The following DHX36 variants were observed in gnomAD, a reference collection of about 807,000 sequenced individuals.
The protein encoded by DHX36 is DEAH-box helicase 36, also known as ATP-dependent DNA/RNA helicase DHX36.
DHX36 carries 50 observed loss-of-function variants against 139.0 expected under a neutral mutation model. The ratio of observed to expected loss-of-function variants is 0.36; its 90% CI spans 0.29 to 0.46. DHX36 has a LOEUF of 0.46. Among genes scored for constraint, DHX36 ranks in the 20% least tolerant of loss-of-function variants. The pLI is 1.00. For synonymous variants in DHX36, 425 were observed against 401.9 expected (o/e 1.06, Z -0.69); for missense variants, 1,024 against 1,211.3 (o/e 0.85, Z 2.29).
intron 1 of DHX36, 22 bp from the exon 2 acceptor site, chr3:154,316,185 G>T: frequency 6.2e-7 from 1 of 1,610,468 alleles, no homozygotes; most frequent in Non-Finnish European, 8.5e-7. Context: ...AAAGAAAAAA[G>T]CATCCTTGTC....
chr3:154,301,277 T>C (rs1367308978), intron 9 of DHX36, 150 bp from the exon 10 acceptor site: 6 of 765,294 alleles, frequency 7.8e-6, no homozygotes, highest in Non-Finnish European at 1.2e-5. Context: ...AAATATCAGT[T>C]TGTGTTCATT....
intron 3 of DHX36, 100 bp downstream of exon 3, chr3:154,314,946 T>C (rs1336834611): frequency 2.6e-6 from 2 of 765,410 alleles, no homozygotes; most frequent in Non-Finnish European, 4.2e-6. Flanking sequence ...TTGTTGAGGA[T>C]CTCACTGATC....
rs371491624 is a variant in DHX36 at position 154,304,950 on chromosome 3, T to C, written c.991A>G (p.Ile331Val). 19 of 1,609,566 alleles carry C rather than the reference T, an allele frequency of 1.2e-5. No individual in the cohort carries two copies. The East Asian group carries it at 2.9e-4, about 25-fold the overall frequency. ...CTTTCATGGATTTCATCAAGTACGA[T>C]ATGACTAACACTGGACAAATACCTA... ...SDPYLSSVSH[I>V]VLDEIHERNL... is the part of the protein sequence containing the mutation. The change falls in exon 8 of 25, where the codon ATC becomes GTC. Residue 331 changes from isoleucine (I) to valine (V), a missense_variant. By Grantham distance (29) the Ile-to-Val change is conservative. Coordinates refer to ENST00000496811, the MANE Select transcript of DHX36 (RefSeq NM_020865.3).
intron 20 of DHX36, 52 bp downstream of exon 20, chr3:154,283,132 GTATA>G: frequency 7.7e-7 from 1 of 1,306,004 alleles, no homozygotes; most frequent in Non-Finnish European, 1.1e-6. Context: ...CAAAATGGAT[GTATA>G]TATTCTCTAA....
intron 5 of DHX36, among the ~76,000 whole-genome samples, chr3:154,307,332 A>T (rs1415355039): frequency 2.0e-5 from 3 of 152,218 alleles, no homozygotes; most frequent in African/African-American, 7.2e-5. Context: ...TAAACAGATA[A>T]TTTCCAGAAC....
Position 154,293,514 on chromosome 3 carries a change from C to T in DHX36, c.1670+234G>A, listed in dbSNP as rs1711907131. 2.0e-5 allele frequency among the ~76,000 whole-genome samples: 3 copies of T among 152,152 alleles called. No individual in the cohort carries two copies. In the South Asian group the frequency reaches 6.2e-4, roughly 32 times the overall value. On this transcript the variant is annotated intron_variant, in intron 14 of 24. Coordinates refer to ENST00000496811, the MANE Select transcript of DHX36 (RefSeq NM_020865.3). ...GAAGGCTCACTTGAGCTGAGGAGAT[C>T]AAGGCTGCAGTGAGCCATGATCGTG...
rs531134804 is a variant in DHX36 at position 154,280,948 on chromosome 3, T to C, written c.2377-86A>G. On this transcript the variant is annotated intron_variant, in intron 20 of 24. Coordinates refer to ENST00000496811, the MANE Select transcript of DHX36 (RefSeq NM_020865.3). ...ATACACTAATAGATAAATTGAGTTG[T>C]AAGCTATCCCTGCTTTATGAAAACA... 6 of 990,748 alleles carry C rather than the reference T, an allele frequency of 6.1e-6. No homozygotes were observed. The South Asian group carries it at 9.0e-5, about 15-fold the overall frequency. The allele number at this position is 990,748 out of a possible 1,614,324, so 61.4% of individuals were successfully genotyped here. A position where few individuals can be genotyped will look rare whatever the true frequency, so the allele number is the denominator to read the frequency against.
intron 17 of DHX36, among the ~76,000 whole-genome samples, chr3:154,288,568 A>G (rs1303691810): frequency 1.3e-5 from 2 of 152,184 alleles, no homozygotes; most frequent in Non-Finnish European, 2.9e-5. Flanking sequence ...GCCAGTAATT[A>G]AAGACCAGTA....
chr3:154,312,834 A>C (rs959393297), intron 3 of DHX36, among the ~76,000 whole-genome samples: 2 of 133,708 alleles, frequency 1.5e-5, no homozygotes, highest in African/African-American at 5.6e-5. Context: ...TCTCAAAAAA[A>C]AAAAAGGAAA....
intron 1 of DHX36, 66 bp from the exon 2 acceptor site, chr3:154,316,229 A>G: frequency 1.3e-6 from 2 of 1,588,418 alleles, no homozygotes; most frequent in Non-Finnish European, 1.7e-6. Context: ...ATTATTTGAT[A>G]CTGAAGAAAA....
chr3:154,308,138 G>A (rs1409270654), intron 5 of DHX36, among the ~76,000 whole-genome samples: 1 of 152,112 alleles, frequency 6.6e-6, no homozygotes, highest in Non-Finnish European at 1.5e-5. Flanking sequence ...TGTGGGTGAT[G>A]GACAACCTAG....
intron 24 of DHX36, 100 bp from the exon 25 acceptor site, chr3:154,276,456 C>T (rs1269224795): frequency 1.0e-5 from 12 of 1,145,480 alleles, no homozygotes; most frequent in South Asian, 5.9e-5. Context: ...GTTTCACAAG[C>T]GATGGCTCAA....
intron 17 of DHX36, among the ~76,000 whole-genome samples, chr3:154,288,083 G>A (rs1449877245): frequency 1.3e-5 from 2 of 148,294 alleles, no homozygotes; most frequent in East Asian, 3.9e-4. Flanking sequence ...AGGACGTGGA[G>A]GTTGCAGTGA....
intron 9 of DHX36, among the ~76,000 whole-genome samples, chr3:154,301,627 G>C (rs746867772): frequency 6.6e-6 from 1 of 152,050 alleles, no homozygotes; most frequent in Non-Finnish European, 1.5e-5. Context: ...ACAGACCCAC[G>C]CTAGAGAACT....
chr3:154,287,214 A>G (rs1208072578), intron 17 of DHX36, among the ~76,000 whole-genome samples: 4 of 152,202 alleles, frequency 2.6e-5, no homozygotes, highest in Non-Finnish European at 5.9e-5. Context: ...TTTTATTTCT[A>G]CCTCAACCCC....
intron 12 of DHX36, among the ~76,000 whole-genome samples, chr3:154,297,280 T>A (rs541948005): frequency 1.3e-5 from 2 of 152,180 alleles, no homozygotes; most frequent in East Asian, 1.9e-4. Context: ...GATAAAGACA[T>A]GATGGTTATA....
intron 5 of DHX36, among the ~76,000 whole-genome samples, chr3:154,308,946 G>A (rs1250133626): frequency 3.9e-5 from 6 of 152,008 alleles, no homozygotes; most frequent in Non-Finnish European, 5.9e-5. Flanking sequence ...CCAGCACTCC[G>A]GGAGGCTGAA....
chr3:154,303,232 A>G (rs1559954491), intron 9 of DHX36, 97 bp downstream of exon 9: 1 of 844,944 alleles, frequency 1.2e-6, no homozygotes, highest in Non-Finnish European at 1.8e-6. Context: ...TTTTACAAGG[A>G]AATAGTCAAT....
rs1195502919 is a variant in DHX36, at chr3:154,277,713, T to C, written c.2573A>G (p.Lys858Arg). ...LNLGKKRKMV[K>R]VYTKTDGLVA... ...CAGGCCATCGGTTTTTGTGTAAACT[T>C]TTACCCTTTAAAAAAAGTTAAAATG... Residue 858 changes from lysine (K) to arginine (R), a missense_variant, in exon 23 of 25, where the codon AAA becomes AGA. Physicochemically the swap from Lys to Arg is conservative, Grantham distance 26. Around this residue, in one of 4 missense-constraint regions of DHX36, gnomAD observed 470 missense variants for 616.2 expected, o/e 0.76. Transcript: ENST00000496811. The C allele has an allele frequency of 6.3e-7, 1 of 1,596,978 alleles. No individual in the cohort carries two copies. The highest frequency in any genetic ancestry group is 8.5e-7 in the Non-Finnish European group (1 of 1,170,776).
Sources: gnomAD v4.1 joint callset for allele counts (sites outside exome capture counted in the v4.1 genomes callset) on GRCh38, gnomAD v4.1.1 for gene constraint, gnomAD v4.1.1 regional missense constraint, MANE v1.5 for transcripts, NCBI Gene and HGNC (gene_info 2026-07-23, HGNC 2026-07-21) for gene names.